PEBP4: variants seen among roughly 807,000 people sequenced by gnomAD.
The protein encoded by PEBP4 is phosphatidylethanolamine-binding protein 4.
A neutral mutation model predicts 23.9 loss-of-function variants in PEBP4; 22 were observed. That is an observed-to-expected ratio of 0.92 (90% CI 0.66 to 1.31). The LOEUF (loss-of-function observed/expected upper bound fraction) is 1.31, where lower values mean the gene tolerates loss of function less well. PEBP4 is among the 40% of genes most tolerant of loss of function. The probability of loss-of-function intolerance (pLI) is 0.00; values close to 1 mark genes in which losing one functional copy is unlikely to be tolerated. For missense variants in PEBP4, 324 were observed against 281.7 expected (o/e 1.15, Z -1.07); for synonymous variants, 112 against 99.3 (o/e 1.13, Z -0.76).
At chr8:22,739,554 C>T (rs186958366) in intron 4 of PEBP4, among the ~76,000 whole-genome samples, 101 of 152,244 alleles carry the variant, frequency 6.6e-4, no homozygotes, top group African/African-American at 1.8e-3. Flanking sequence ...AGAGGCAGCC[C>T]AGCAGCCCCC....
upstream of PEBP4, among the ~76,000 whole-genome samples, chr8:22,931,277 T>C (rs963704605): frequency 2.0e-5 from 3 of 152,192 alleles, no homozygotes; most frequent in Admixed American, 2.0e-4. Flanking sequence ...TTTTAATATA[T>C]ATAATCCAGT....
chr8:22,729,351 C>A (rs1271751997), intron 4 of PEBP4, among the ~76,000 whole-genome samples: 1 of 152,252 alleles, frequency 6.6e-6, no homozygotes, highest in Non-Finnish European at 1.5e-5. Flanking sequence ...TCAGCCCAGC[C>A]AGCGGTTGTT....
intron 3 of PEBP4, among the ~76,000 whole-genome samples, chr8:22,827,670 A>C (rs777070746): frequency 3.9e-5 from 6 of 152,254 alleles, no homozygotes; most frequent in African/African-American, 1.4e-4. Context: ...CACTTTGGCT[A>C]TTATGAATGA....
intron 4 of PEBP4, among the ~76,000 whole-genome samples, chr8:22,787,886 T>A (rs1225727744): frequency 6.6e-6 from 1 of 151,824 alleles, no homozygotes; most frequent in African/African-American, 2.4e-5. Flanking sequence ...TAAAAGAAGA[T>A]CTGGGCAGAT....
intron 4 of PEBP4, among the ~76,000 whole-genome samples, chr8:22,804,189 G>A (rs535312810): frequency 9.2e-5 from 14 of 152,236 alleles, no homozygotes; most frequent in Admixed American, 5.2e-4. Context: ...TAAATAGCTA[G>A]GCCTGGTGGT....
At chr8:22,722,961 T>G (rs1394512479) in intron 6 of PEBP4, among the ~76,000 whole-genome samples, 1 of 151,484 alleles carries the variant, frequency 6.6e-6, no homozygotes, top group African/African-American at 2.4e-5. Flanking sequence ...TTTTGTATTT[T>G]TAGTAGAGAC....
At chr8:22,882,392 C>T (rs1387277230) in intron 3 of PEBP4, among the ~76,000 whole-genome samples, 2 of 152,170 alleles carry the variant, frequency 1.3e-5, no homozygotes, top group Non-Finnish European at 2.9e-5. Flanking sequence ...AGCAGGGGGT[C>T]CCAGTTGAAG....
intron 3 of PEBP4, among the ~76,000 whole-genome samples, chr8:22,830,410 A>T (rs913005426): frequency 6.6e-6 from 1 of 151,984 alleles, no homozygotes; most frequent in Non-Finnish European, 1.5e-5. Flanking sequence ...GGCCTCCCAA[A>T]GTGCTGGGAT....
At chr8:22,890,008 C>T (rs1808460472) in intron 3 of PEBP4, among the ~76,000 whole-genome samples, 1 of 152,192 alleles carries the variant, frequency 6.6e-6, no homozygotes, top group Non-Finnish European at 1.5e-5. Context: ...CCGCTGAGCA[C>T]CACCAGATGT....
At chr8:22,920,159 C>T in intron 3 of PEBP4, 25 bp downstream of exon 3, 1 of 1,597,868 alleles carries the variant, frequency 6.3e-7, no homozygotes, top group East Asian at 2.3e-5. Flanking sequence ...TGTCCCCCCG[C>T]TTTAACACAG....
chr8:22,746,807 A>G (rs535809825), intron 4 of PEBP4, among the ~76,000 whole-genome samples: 2 of 152,236 alleles, frequency 1.3e-5, no homozygotes, highest in South Asian at 2.1e-4. Flanking sequence ...GTGTTGTACT[A>G]TAGAGTAGCT....
At chr8:22,906,719 C>T (rs1233375162) in intron 3 of PEBP4, among the ~76,000 whole-genome samples, 1 of 152,220 alleles carries the variant, frequency 6.6e-6, no homozygotes, top group Non-Finnish European at 1.5e-5. Flanking sequence ...TCATCTTCAT[C>T]TAATAACATG....
intron 6 of PEBP4, among the ~76,000 whole-genome samples, chr8:22,714,717 T>G (rs1021469190): frequency 6.6e-6 from 1 of 151,964 alleles, no homozygotes; most frequent in East Asian, 1.9e-4. Context: ...AGAACCCCAC[T>G]TGAGACTCAC....
At position 22,739,478 on chromosome 8, in the gene PEBP4, C is replaced by T. The variant is rs191261901; in HGVS notation, c.358-12258G>A. On this transcript the variant is annotated intron_variant, in intron 4 of 6. Transcript: ENST00000256404. Reference sequence around the variant, plus strand: ...CTCCAAGAGGGAGAGGAGGAGGAAGCGAGGGGACCAATACACTGGGAGGAA... The same window carrying T: ...CTCCAAGAGGGAGAGGAGGAGGAAGTGAGGGGACCAATACACTGGGAGGAA... Among the ~76,000 whole-genome samples, 892 of 152,180 alleles carry T rather than the reference C, an allele frequency of 5.9e-3. 6 individuals carry two copies. Among genetic ancestry groups the T allele is most frequent in the African/African-American group, 0.02 (836 of 41,520 alleles).
At chr8:22,758,104 A>G (rs1162206242) in intron 4 of PEBP4, 1 of 152,318 alleles carries the variant, frequency 6.6e-6, no homozygotes, top group Non-Finnish European at 1.5e-5. Context: ...TGTGTGAAAT[A>G]TTTCATCATA....
chr8:22,910,323 C>T (rs1808912839), intron 3 of PEBP4, among the ~76,000 whole-genome samples: 2 of 152,216 alleles, frequency 1.3e-5, no homozygotes. Flanking sequence ...AGACCAAGCC[C>T]CCAACATCCC....
At chr8:22,718,219 G>T (rs1487326729) in intron 6 of PEBP4, among the ~76,000 whole-genome samples, 1 of 152,158 alleles carries the variant, frequency 6.6e-6, no homozygotes, top group Non-Finnish European at 1.5e-5. Context: ...ACCCAGGAGG[G>T]CTGAAGAGTG....
At chr8:22,873,440 A>G (rs371041971) in intron 3 of PEBP4, among the ~76,000 whole-genome samples, 1 of 151,886 alleles carries the variant, frequency 6.6e-6, no homozygotes, top group Non-Finnish European at 1.5e-5. Context: ...CCTGGGCAAC[A>G]TACTGAGATA....
intron 2 of PEBP4, among the ~76,000 whole-genome samples, chr8:22,921,949 G>A (rs1271035948): frequency 6.6e-6 from 1 of 152,220 alleles, no homozygotes; most frequent in Non-Finnish European, 1.5e-5. Context: ...GTAGGGAGGA[G>A]GTAAACTGAG....
Sources: gnomAD v4.1 joint callset for allele counts (sites outside exome capture counted in the v4.1 genomes callset) on GRCh38, gnomAD v4.1.1 for gene constraint, MANE v1.5 for transcripts, NCBI Gene and HGNC (gene_info 2026-07-23, HGNC 2026-07-21) for gene names.